The following PARN variants were observed in gnomAD, a reference collection of about 807,000 sequenced individuals.
The protein encoded by PARN is poly(A)-specific ribonuclease.
A neutral mutation model predicts 102.8 loss-of-function variants in PARN; 71 were observed. The ratio of observed to expected loss-of-function variants is 0.69; its 90% confidence interval spans 0.57 to 0.84. PARN has a LOEUF of 0.84. Ranked by LOEUF, PARN falls within the 40% of genes least tolerant of loss-of-function variation. PARN has a pLI of 0.00. For missense variants in PARN, 782 were observed against 760.9 expected (o/e 1.03, Z -0.33); for synonymous variants, 261 against 252.9 (o/e 1.03, Z -0.30).
chr16:14,501,303 T>C (rs57577666), intron 21 of PARN, among the ~76,000 whole-genome samples: 8,544 of 144,220 alleles, frequency 0.059, 637 homozygotes, highest in African/African-American at 0.18. Context: ...ACAATAATAA[T>C]AATAATAATA....
Position 14,627,114 on chromosome 16 carries a change from CA to C in PARN, c.318del (p.Phe106LeufsTer11). ...TCAATTATGCTACTTACCTGACAAA[CA>C]AATTTGACATCTGGTGAGGATCTAT... ...PFNRSSPDVK[F>X]VCQSSSIDFL... On this transcript the variant is annotated frameshift_variant, in exon 5 of 24. Coordinates refer to ENST00000437198, the MANE Select transcript of PARN (RefSeq NM_002582.4). LOFTEE classifies it high-confidence loss of function. 1 of 1,589,096 alleles carries C rather than the reference CA, an allele frequency of 6.3e-7. No individual in the cohort carries two copies. Among genetic ancestry groups the C allele is most frequent in the Non-Finnish European group, 8.6e-7 (1 of 1,159,218 alleles).
chr16:14,496,662 C>T (rs1964333115), intron 21 of PARN, among the ~76,000 whole-genome samples: 1 of 152,088 alleles, frequency 6.6e-6, no homozygotes, highest in South Asian at 2.1e-4. Context: ...AATGGCAGAT[C>T]CTAAACGTCA....
At chr16:14,543,057 A>G (rs2151691285) in intron 21 of PARN, among the ~76,000 whole-genome samples, 1 of 152,362 alleles carries the variant, frequency 6.6e-6, no homozygotes, top group East Asian at 1.9e-4. Flanking sequence ...AATCGTAAAT[A>G]GAAAATGTTG....
chr16:14,460,903 G>A (rs1961926066), intron 22 of PARN, among the ~76,000 whole-genome samples: 1 of 152,230 alleles, frequency 6.6e-6, no homozygotes, highest in South Asian at 2.1e-4. Flanking sequence ...AAACAGCAGA[G>A]TGTGGAAAGA....
In PARN at chr16:14,580,960, G is replaced by C; in HGVS notation, c.1193-17C>G. The C allele has an allele frequency of 6.5e-7, 1 of 1,548,230 alleles. No individual in the cohort carries two copies. The highest frequency in any genetic ancestry group is 8.9e-7 in the Non-Finnish European group (1 of 1,120,596). On this transcript the variant is annotated splice_polypyrimidine_tract_variant and intron_variant, in intron 17 of 23. Transcript: ENST00000437198. ...GAAAAGAACCTAATGAAGAAAAGAA[G>C]AGAGGTATTATTATTCATAGTCACA...
chr16:14,511,764 G>A (rs903331511), intron 21 of PARN, among the ~76,000 whole-genome samples: 3 of 152,148 alleles, frequency 2.0e-5, no homozygotes, highest in East Asian at 3.9e-4. Context: ...AGAGTGGCAC[G>A]ATCTTCACTT....
chr16:14,457,901 T>C (rs531057418), intron 22 of PARN, among the ~76,000 whole-genome samples: 8 of 146,212 alleles, frequency 5.5e-5, no homozygotes, highest in African/African-American at 2.0e-4. Flanking sequence ...TCTTGTGGAA[T>C]AGGGGTGTGT....
At chr16:14,437,908 A>C (rs1432206802) in intron 23 of PARN, among the ~76,000 whole-genome samples, 1 of 152,248 alleles carries the variant, frequency 6.6e-6, no homozygotes, top group Admixed American at 6.5e-5. Context: ...AAGAAAAAAC[A>C]TGAAGAGAAT....
intron 6 of PARN, among the ~76,000 whole-genome samples, chr16:14,616,702 C>T (rs959257919): frequency 6.6e-6 from 1 of 151,984 alleles, no homozygotes; most frequent in Non-Finnish European, 1.5e-5. Context: ...TATGATTGCA[C>T]CACTGCACTC....
intron 22 of PARN, among the ~76,000 whole-genome samples, chr16:14,472,042 C>A (rs1484231677): frequency 6.6e-6 from 1 of 152,180 alleles, no homozygotes; most frequent in African/African-American, 2.4e-5. Flanking sequence ...AAGAAAGCAA[C>A]CGTGTCCTGA....
chr16:14,596,991 T>G (rs904142226), intron 12 of PARN, among the ~76,000 whole-genome samples: 2 of 152,050 alleles, frequency 1.3e-5, no homozygotes, highest in Admixed American at 1.3e-4. Context: ...TTCACCATGT[T>G]GGTTAGGCTG....
intron 22 of PARN, among the ~76,000 whole-genome samples, chr16:14,465,117 G>C (rs1962247978): frequency 6.6e-6 from 1 of 151,992 alleles, no homozygotes; most frequent in African/African-American, 2.4e-5. Flanking sequence ...ACGTAGGCTG[G>C]AGTGCAGTGG....
At chr16:14,511,773 T>C (rs1179328036) in intron 21 of PARN, among the ~76,000 whole-genome samples, 1 of 152,206 alleles carries the variant, frequency 6.6e-6, no homozygotes, top group East Asian at 1.9e-4. Flanking sequence ...CGATCTTCAC[T>C]TACTGCAGCC....
intron 21 of PARN, among the ~76,000 whole-genome samples, chr16:14,486,541 T>G (rs937142060): frequency 4.6e-5 from 7 of 152,218 alleles, no homozygotes; most frequent in Non-Finnish European, 1.0e-4. Flanking sequence ...GATAGACAAA[T>G]GTTACAAACA....
At chr16:14,540,886 G>C (rs1002570855) in intron 21 of PARN, among the ~76,000 whole-genome samples, 1 of 152,186 alleles carries the variant, frequency 6.6e-6, no homozygotes, top group Non-Finnish European at 1.5e-5. Flanking sequence ...AGGAGGTAGA[G>C]GCTGCAGTGA....
intron 21 of PARN, among the ~76,000 whole-genome samples, chr16:14,497,064 G>C (rs558658885): frequency 6.6e-6 from 1 of 152,254 alleles, no homozygotes; most frequent in East Asian, 1.9e-4. Context: ...CCAGCATACA[G>C]CCTGCAATAG....
chr16:14,566,024 C>T (rs941143631), intron 18 of PARN, among the ~76,000 whole-genome samples: 1 of 152,200 alleles, frequency 6.6e-6, no homozygotes, highest in Non-Finnish European at 1.5e-5. Flanking sequence ...CTATTACCCA[C>T]TTGCTCCAAG....
At chr16:14,501,730 C>T (rs1964631287) in intron 21 of PARN, 1 of 152,154 alleles carries the variant, frequency 6.6e-6, no homozygotes, top group Admixed American at 6.5e-5. Flanking sequence ...TTCCCCCGCT[C>T]ACAGCTGGCC....
intron 6 of PARN, among the ~76,000 whole-genome samples, chr16:14,616,102 G>T (rs1971885398): frequency 6.6e-6 from 1 of 152,170 alleles, no homozygotes; most frequent in East Asian, 1.9e-4. Context: ...CAAAATTTAT[G>T]TAAATAATTA....
Sources: allele counts gnomAD v4.1 joint callset (sites outside exome capture counted in the v4.1 genomes callset), GRCh38; gene constraint gnomAD v4.1.1; transcripts MANE v1.5; gene names NCBI Gene and HGNC (gene_info 2026-07-23, HGNC 2026-07-21).